The following PBX1 variants were observed in gnomAD, a reference collection of about 807,000 sequenced individuals.
The protein encoded by PBX1 is pre-B-cell leukemia transcription factor 1.
A neutral mutation model predicts 53.4 loss-of-function variants in PBX1; 6 were observed. The ratio of observed to expected loss-of-function variants is 0.11; its 90% CI spans 0.06 to 0.22. The LOEUF is 0.22. Ranked by LOEUF, PBX1 falls within the 10% of genes least tolerant of loss-of-function variation. PBX1 has a pLI of 1.00. For synonymous variants in PBX1, 204 were observed against 212.3 expected (o/e 0.96, Z 0.34); for missense variants, 251 against 551.4 (o/e 0.46, Z 5.46).
At chr1:164,747,923 C>T (rs1292827414) in intron 2 of PBX1, among the ~76,000 whole-genome samples, 2 of 152,038 alleles carry the variant, frequency 1.3e-5, no homozygotes, top group Non-Finnish European at 2.9e-5. Flanking sequence ...ATTTTTTAAT[C>T]CACCTCCCAA....
chr1:164,698,507 A>G (rs993480674), intron 2 of PBX1, among the ~76,000 whole-genome samples: 10 of 151,730 alleles, frequency 6.6e-5, no homozygotes, highest in African/African-American at 1.5e-4. Context: ...TTTTTTTCTT[A>G]TCCTGAGTTA....
At chr1:164,865,788 A>G (rs1470740647) in intron 2 of PBX1, among the ~76,000 whole-genome samples, 2 of 152,192 alleles carry the variant, frequency 1.3e-5, no homozygotes, top group Non-Finnish European at 2.9e-5. Flanking sequence ...TGTCCTAAAC[A>G]TTGCACTGCC....
At chr1:164,783,085 C>A (rs1282411257) in intron 2 of PBX1, among the ~76,000 whole-genome samples, 2 of 152,178 alleles carry the variant, frequency 1.3e-5, no homozygotes, top group African/African-American at 2.4e-5. Context: ...GTCTTCCAGC[C>A]TCAGAAAGAC....
At chr1:164,834,793 C>G (rs1356848025) in intron 8 of PBX1, among the ~76,000 whole-genome samples, 3 of 152,198 alleles carry the variant, frequency 2.0e-5, no homozygotes, top group African/African-American at 7.2e-5. Flanking sequence ...TTCCTAAGAC[C>G]TGTGGTTGGC....
rs141584285 is a variant in PBX1, at chr1:164,864,939, G to A, written n.257+33456G>A. ...CAAAGAGGTTGCCAGATGGTGCCAT[G>A]GAGCTCATGTTCCCGAGGTCATCCG... On this transcript the variant is annotated intron_variant and non_coding_transcript_variant, in intron 2 of 2. Coordinates refer to the PBX1 transcript ENST00000558796. Among the ~76,000 whole-genome samples, 310 of 152,322 alleles carry A rather than the reference G, an allele frequency of 2.0e-3. 6 individuals carry two copies. In the South Asian group the frequency reaches 0.036, roughly 18 times the overall value.
At chr1:164,765,021 A>G (rs1454762520) in intron 2 of PBX1, among the ~76,000 whole-genome samples, 2 of 152,146 alleles carry the variant, frequency 1.3e-5, no homozygotes, top group African/African-American at 4.8e-5. Context: ...ACAGGTTTCC[A>G]TATAGTTATA....
intron 2 of PBX1, among the ~76,000 whole-genome samples, chr1:164,881,984 T>C (rs1201729006): frequency 6.6e-6 from 1 of 152,208 alleles, no homozygotes; most frequent in East Asian, 1.9e-4. Context: ...TTTCATCTTT[T>C]TCCCAAAACT....
intron 2 of PBX1, among the ~76,000 whole-genome samples, chr1:164,787,370 T>G (rs923967621): frequency 6.6e-6 from 1 of 151,846 alleles, no homozygotes; most frequent in African/African-American, 2.4e-5. Flanking sequence ...TCTGCCCTCC[T>G]CCCCTCCCAA....
intron 2 of PBX1, among the ~76,000 whole-genome samples, chr1:164,607,662 G>A (rs756263771): frequency 6.6e-5 from 10 of 152,180 alleles, no homozygotes; most frequent in Admixed American, 5.2e-4. Flanking sequence ...GATTGATGCC[G>A]TGAGAGGGAA....
chr1:164,652,909 G>T, intron 2 of PBX1, among the ~76,000 whole-genome samples: 1 of 147,892 alleles, frequency 6.8e-6, no homozygotes, highest in African/African-American at 2.5e-5. Context: ...TCACTCTGTC[G>T]CTCAGGCTGG....
At chr1:164,680,028 T>C (rs1446492411) in intron 2 of PBX1, 2 of 152,196 alleles carry the variant, frequency 1.3e-5, no homozygotes, top group African/African-American at 2.4e-5. Context: ...AATTTCTTCC[T>C]TCCTAGCGAG....
chr1:164,747,998 G>A (rs1171139684), intron 2 of PBX1, among the ~76,000 whole-genome samples: 1 of 152,182 alleles, frequency 6.6e-6, no homozygotes, highest in East Asian at 1.9e-4. Flanking sequence ...CATGAAAAGA[G>A]GTGTACCCAC....
chr1:164,580,838 C>T (rs988882618), intron 2 of PBX1, among the ~76,000 whole-genome samples: 1 of 152,234 alleles, frequency 6.6e-6, no homozygotes, highest in African/African-American at 2.4e-5. Context: ...CTCGACCTCC[C>T]AGAGTGCTGG....
At chr1:164,672,637 A>C (rs1029154500) in intron 2 of PBX1, among the ~76,000 whole-genome samples, 2 of 152,154 alleles carry the variant, frequency 1.3e-5, no homozygotes, top group African/African-American at 4.8e-5. Flanking sequence ...TACTTGCTAA[A>C]TTGTATTTAT....
chr1:164,861,101 G>A (rs1672085709), intron 2 of PBX1, among the ~76,000 whole-genome samples: 1 of 151,922 alleles, frequency 6.6e-6, no homozygotes. Context: ...TGTTAAGAGA[G>A]GAAGGAAAAG....
chr1:164,633,069 C>T (rs1410373539), intron 2 of PBX1, among the ~76,000 whole-genome samples: 5 of 152,098 alleles, frequency 3.3e-5, no homozygotes, highest in Non-Finnish European at 5.9e-5. Flanking sequence ...TTAAGTCCAC[C>T]ATAACATCCT....
chr1:164,669,281 A>G (rs964770184), intron 2 of PBX1, among the ~76,000 whole-genome samples: 1 of 152,192 alleles, frequency 6.6e-6, no homozygotes, highest in Non-Finnish European at 1.5e-5. Context: ...AGAGAATGAT[A>G]CAACAGACGT....
At chr1:164,788,863 G>A (rs989796710) in intron 2 of PBX1, among the ~76,000 whole-genome samples, 2 of 149,718 alleles carry the variant, frequency 1.3e-5, no homozygotes, top group Non-Finnish European at 3.0e-5. Flanking sequence ...TTTATGCCGT[G>A]GTGCATTGTA....
chr1:164,584,301 A>C, intron 2 of PBX1, among the ~76,000 whole-genome samples: 1 of 151,976 alleles, frequency 6.6e-6, no homozygotes, highest in East Asian at 1.9e-4. Flanking sequence ...CAGGAGTTCT[A>C]GTCCGGCCTG....
Sources: allele counts gnomAD v4.1 joint callset (sites outside exome capture counted in the v4.1 genomes callset), GRCh38; gene constraint gnomAD v4.1.1; transcripts MANE v1.5; gene names NCBI Gene and HGNC (gene_info 2026-07-23, HGNC 2026-07-21).